The following TATDN2 variants were observed in gnomAD, a reference collection of about 807,000 sequenced individuals.
TATDN2 encodes the protein TatD DNase domain containing 2, also known as 3'-5' RNA nuclease TATDN2.
TATDN2 carries 44 observed loss-of-function variants against 60.3 expected under a neutral mutation model. The ratio of observed to expected loss-of-function variants is 0.73; its 90% CI spans 0.57 to 0.94. The LOEUF is 0.94. TATDN2 is among the 40% of genes least tolerant of loss of function. The pLI, the probability that TATDN2 is intolerant of heterozygous loss-of-function variation, is 0.00. For missense variants in TATDN2, 997 were observed against 948.0 expected, an observed-to-expected ratio of 1.05 and a Z score of -0.68; for synonymous variants, 399 against 355.8, an observed-to-expected ratio of 1.12 and a Z score of -1.37.
Position 10,260,312 on chromosome 3 carries a change from A to T in TATDN2, c.590A>T (p.Lys197Ile). The T allele has an allele frequency of 6.2e-7, 1 of 1,614,144 alleles. No individual in the cohort carries two copies. Among genetic ancestry groups the T allele is most frequent in the Non-Finnish European group, 8.5e-7 (1 of 1,180,012 alleles). The change falls in exon 3 of 8, where the codon AAA (lysine) becomes ATA (isoleucine). Residue 197 changes from lysine to isoleucine, a missense_variant. By Grantham distance (102) the Lys-to-Ile change is moderately radical. Transcript: ENST00000448281. ...AAGGCTATCCAGGGCATCCTGGGGA[A>T]ATCGATGCCAAAAAGGAAGGGAGAG... ...YLKAIQGILG[K>I]SMPKRKGEAA...
rs573625495 is a variant in TATDN2 at position 10,249,717 on chromosome 3, C to T, written c.414+103C>T. ...GAAGGAGACTACAAAACATTACATC[C>T]TTGAAGGTCTGGAAGGTCTTTCTAG... On this transcript the variant is annotated intron_variant, in intron 2 of 7. Coordinates refer to ENST00000448281, the MANE Select transcript of TATDN2 (RefSeq NM_014760.4). 2.1e-4 allele frequency: 279 copies of T among 1,308,960 alleles called. 1 individual carries two copies. The highest frequency in any genetic ancestry group is 1.6e-3 in the South Asian group (86 of 54,258). 81.1% of individuals were successfully genotyped at this position (1,308,960 alleles called of 1,614,324 possible).
In TATDN2 at chr3:10,249,240, A is replaced by T. The variant is rs751425421; in HGVS notation, c.40A>T (p.Ser14Cys). The change falls in exon 2 of 8, where the codon AGC becomes TGC. Residue 14 changes from serine (S) to cysteine (C), a missense_variant. Transcript: ENST00000448281. ...GGGCAAGGTCAAGCACAACTGGAGC[A>T]GCACGTCGGAAGGGTGTCCCCGCAA... ...ERGKVKHNWS[S>C]TSEGCPRKRS... The T allele has an allele frequency of 7.1e-6, 11 of 1,554,540 alleles. No homozygotes were observed. The East Asian group carries it at 2.5e-4, about 35-fold the overall frequency.
Position 10,270,560 on chromosome 3 carries a change from A to T in TATDN2, c.1378A>T (p.Lys460Ter). Residue 460 changes from lysine to a stop codon, truncating the protein, a stop_gained, in exon 4 of 8, where the codon AAG (lysine) becomes TAG (stop). Transcript: ENST00000448281. LOFTEE classifies it high-confidence loss of function. The stretch of plus-strand genomic sequence containing the variant: ...CAGAAGCTCAGAAGAAAGAGAGGTG[A>T]AGGAGAAAAGAACATTCCAAGAGGA... ...FSRSSEEREV[K>*]EKRTFQEEMP... is the part of the protein sequence containing the mutation. The T allele has an allele frequency of 1.9e-6, 3 of 1,614,242 alleles. No individual in the cohort carries two copies. The highest frequency in any genetic ancestry group is 2.5e-6 in the Non-Finnish European group (3 of 1,180,040).
In TATDN2 at chr3:10,278,568, TC is replaced by T; in HGVS notation, c.2145+109del. The T allele has an allele frequency of 6.9e-7, 1 of 1,456,902 alleles. No homozygotes were observed. Among genetic ancestry groups the T allele is most frequent in the Non-Finnish European group, 9.6e-7 (1 of 1,044,928 alleles). 90.2% of individuals were successfully genotyped at this position (1,456,902 alleles called of 1,614,324 possible). ...GGCCAGAGCCCCAGTGACTTCCAGG[TC>T]CCATCCTGGGCTGTGTAGATGCCTC... On this transcript the variant is annotated intron_variant, in intron 6 of 7. Transcript: ENST00000448281. The surrounding 1 kb of genome is among the most constrained non-coding windows in gnomAD (Gnocchi z 4.7).
chr3:10,262,679 G>A (rs1371693853), intron 3 of TATDN2, among the ~76,000 whole-genome samples: 1 of 151,618 alleles, frequency 6.6e-6, no homozygotes, highest in African/African-American at 2.4e-5. Context: ...GGGATTACAG[G>A]CACACGCCAC....
chr3:10,265,038 T>C (rs1277238440), intron 3 of TATDN2, among the ~76,000 whole-genome samples: 8 of 134,938 alleles, frequency 5.9e-5, no homozygotes, highest in African/African-American at 1.9e-4. Flanking sequence ...TTTTTTCCTG[T>C]GCGTGGTTTT....
rs1698670131 is a variant in TATDN2, at chr3:10,278,443, C to T, written c.2126C>T (p.Pro709Leu). 1 of 1,612,826 alleles carries T rather than the reference C, an allele frequency of 6.2e-7. No individual in the cohort carries two copies. Among genetic ancestry groups the T allele is most frequent in the African/African-American group, 1.3e-5 (1 of 75,000 alleles). ...AGAATCATCGTGGAAACGGATGCTCCCTATTTCCTCCCTCGCCAGGTAAGG... is the reference window on the plus strand; with the variant it reads ...AGAATCATCGTGGAAACGGATGCTCTCTATTTCCTCCCTCGCCAGGTAAGG... ...LERIIVETDA[P>L]YFLPRQVPKS... Residue 709 changes from proline to leucine, a missense_variant, in exon 6 of 8, where the codon CCC becomes CTC. By Grantham distance (98) the Pro-to-Leu change is moderately conservative. Coordinates refer to ENST00000448281, the MANE Select transcript of TATDN2 (RefSeq NM_014760.4). The surrounding 1 kb of genome is among the most constrained non-coding windows in gnomAD (Gnocchi z 4.7).
Position 10,249,436 on chromosome 3 carries a change from ACTC to A in TATDN2, c.248_250del (p.Ser83del), listed in dbSNP as rs751012309. On this transcript the variant is annotated inframe_deletion, in exon 2 of 8. Coordinates refer to ENST00000448281, the MANE Select transcript of TATDN2 (RefSeq NM_014760.4). ...TGGGGCTCATCCCGCCGCAGAAATA[ACTC>A]CTCCTCCTCCTTCTCCCCACATTTC... 7.4e-6 allele frequency: 12 copies of A among 1,611,012 alleles called. No homozygotes were observed. Among genetic ancestry groups the A allele is most frequent in the African/African-American group, 5.4e-5 (4 of 74,248 alleles).
At chr3:10,267,323 C>G (rs1269618833) in intron 3 of TATDN2, among the ~76,000 whole-genome samples, 1 of 151,086 alleles carries the variant, frequency 6.6e-6, no homozygotes, top group African/African-American at 2.4e-5. Context: ...ACTCTAGAAA[C>G]CTTTCAAGGA....
At chr3:10,275,458 A>G (rs1316452804) in intron 4 of TATDN2, among the ~76,000 whole-genome samples, 6 of 152,212 alleles carry the variant, frequency 3.9e-5, no homozygotes, top group African/African-American at 1.4e-4. Context: ...GAGTAAAGGA[A>G]GCAAATTGGC....
chr3:10,276,164 G>A (rs1008634674), intron 4 of TATDN2, among the ~76,000 whole-genome samples, 197 bp from the exon 5 acceptor site: 32 of 152,248 alleles, frequency 2.1e-4, no homozygotes, highest in African/African-American at 7.7e-4. Flanking sequence ...TGTGAGGACT[G>A]CAGGTTATGA....
Position 10,251,874 on chromosome 3 carries a change from C to T in TATDN2, c.414+2260C>T, listed in dbSNP as rs1319580747. On this transcript the variant is annotated intron_variant, in intron 2 of 7. Coordinates refer to ENST00000448281, the MANE Select transcript of TATDN2 (RefSeq NM_014760.4). ...TTAAAAATTTTTTTTTTGGGCTGGG[C>T]GTGGTGGCTCACGCCTGTAATCCCA... 1.7e-4 allele frequency among the ~76,000 whole-genome samples: 25 copies of T among 147,858 alleles called. 1 individual carries two copies. The highest frequency in any genetic ancestry group is 5.2e-4 in the African/African-American group (21 of 40,332).
intron 5 of TATDN2, 70 bp downstream of exon 5, chr3:10,276,558 A>T (rs542567225): frequency 6.3e-7 from 1 of 1,584,932 alleles, no homozygotes; most frequent in Non-Finnish European, 8.6e-7. Flanking sequence ...GAGGACAGCA[A>T]TGATCGTATT....
Position 10,270,651 on chromosome 3 carries a change from G to T in TATDN2, c.1469G>T (p.Ser490Ile). Reference protein sequence around the residue: ...SSLPKSHLEPSLEEGFIDTHC... With the variant: ...SSLPKSHLEPILEEGFIDTHC... ...CTGCCAAAGAGCCACCTGGAGCCAA[G>T]CCTAGAGGAGGGCTTCATTGACACT... Residue 490 changes from serine to isoleucine, a missense_variant, in exon 4 of 8, where the codon AGC becomes ATC. Transcript: ENST00000448281. 6.2e-7 allele frequency: 1 copy of T among 1,614,214 alleles called. No individual in the cohort carries two copies. The highest frequency in any genetic ancestry group is 8.5e-7 in the Non-Finnish European group (1 of 1,180,034).
At chr3:10,261,557 A>G (rs1287611882) in intron 3 of TATDN2, among the ~76,000 whole-genome samples, 2 of 151,988 alleles carry the variant, frequency 1.3e-5, no homozygotes, top group East Asian at 3.9e-4. Context: ...TTTAGTAGAT[A>G]TGGGATTTCT....
In TATDN2 at chr3:10,278,554, C is replaced by T; in HGVS notation, c.2145+92C>T. On this transcript the variant is annotated intron_variant, in intron 6 of 7. Coordinates refer to ENST00000448281, the MANE Select transcript of TATDN2 (RefSeq NM_014760.4). This position sits in a 1 kb window ranked among gnomAD's most constrained non-coding sequence, Gnocchi z 4.7. ...TACAAGGTTGGCAGGGCCAGAGCCC[C>T]AGTGACTTCCAGGTCCCATCCTGGG... The T allele has an allele frequency of 2.6e-6, 4 of 1,525,614 alleles. No homozygotes were observed. The South Asian group carries it at 4.5e-5, about 17-fold the overall frequency. The allele number at this position is 1,525,614 out of a possible 1,614,324, so 94.5% of individuals were successfully genotyped here.
intron 3 of TATDN2, among the ~76,000 whole-genome samples, chr3:10,263,198 C>G (rs1193100320): frequency 1.3e-5 from 2 of 151,234 alleles, no homozygotes; most frequent in East Asian, 3.9e-4. Context: ...CGTGCCCAAC[C>G]TGTATTTTTT....
At chr3:10,265,019 CT>C (rs550799457) in intron 3 of TATDN2, among the ~76,000 whole-genome samples, 17 of 76,432 alleles carry the variant, frequency 2.2e-4, no homozygotes, top group Admixed American at 4.6e-4. Context: ...TTTTTTTGGT[CT>C]TTTTTTTTTT....
Position 10,278,850 on chromosome 3 carries a change from G to A in TATDN2, c.2146-35G>A. ...TCTAGATTATGACTGTGCACACATG[G>A]CACAATGATGTTATGACCACTTGAT... On this transcript the variant is annotated intron_variant, in intron 6 of 7. Transcript: ENST00000448281. The surrounding 1 kb of genome is among the most constrained non-coding windows in gnomAD (Gnocchi z 4.7). 7.4e-6 allele frequency: 12 copies of A among 1,613,770 alleles called. No individual in the cohort carries two copies. Among genetic ancestry groups the A allele is most frequent in the Non-Finnish European group, 1.0e-5 (12 of 1,179,942 alleles).
Sources: gnomAD v4.1 joint callset for allele counts (sites outside exome capture counted in the v4.1 genomes callset) on GRCh38, gnomAD v4.1.1 for gene constraint, Gnocchi (gnomAD v3.1) non-coding constraint, MANE v1.5 for transcripts, NCBI Gene and HGNC (gene_info 2026-07-23, HGNC 2026-07-21) for gene names.